Variants in SPATA31G1 observed in about 807,000 individuals in gnomAD.
The protein encoded by SPATA31G1 is spermatogenesis-associated protein 31G1.
At chr9:35,045,452 A>G in the SPATA31G1 span, 5 of 1,614,164 alleles carry the variant, frequency 3.1e-6, no homozygotes, top group Non-Finnish European at 4.2e-6. Flanking sequence ...CCTCATCCTC[A>G]GCCAAAAAGA....
chr9:35,043,370 C>T, the SPATA31G1 span: 1 of 1,614,158 alleles, frequency 6.2e-7, no homozygotes, highest in Non-Finnish European at 8.5e-7. Flanking sequence ...CCCAGTATCA[C>T]TCCTCAGCCC....
the SPATA31G1 span, chr9:35,043,652 AC>A: frequency 1.2e-6 from 2 of 1,613,814 alleles, no homozygotes; most frequent in Non-Finnish European, 1.7e-6. Flanking sequence ...CTCCGATGCC[AC>A]CCCCCTGCCA....
At chr9:35,044,072 G>A in the SPATA31G1 span, 1 of 1,614,060 alleles carries the variant, frequency 6.2e-7, no homozygotes, top group Non-Finnish European at 8.5e-7. Context: ...CTCTCCTGGA[G>A]TCTCTAGTAA....
At chr9:35,043,536 G>A in the SPATA31G1 span, 2 of 1,614,152 alleles carry the variant, frequency 1.2e-6, no homozygotes, top group African/African-American at 1.3e-5. Flanking sequence ...ATCTGGCGCT[G>A]AGGCACCCAC....
chr9:35,042,810 T>G, the SPATA31G1 span: 1 of 1,575,742 alleles, frequency 6.3e-7, no homozygotes, highest in Non-Finnish European at 8.6e-7. Flanking sequence ...TAGCAAACCT[T>G]GTGTATCTGA....
At chr9:35,044,887 C>T in the SPATA31G1 span, 22 of 1,614,080 alleles carry the variant, frequency 1.4e-5, no homozygotes, top group African/African-American at 9.3e-5. Flanking sequence ...AAGGGAGTAA[C>T]GTGCCCAGGG....
At chr9:35,042,852 A>G in the SPATA31G1 span, 10 of 1,607,786 alleles carry the variant, frequency 6.2e-6, no homozygotes, top group African/African-American at 1.3e-5. Flanking sequence ...ATCTTTATCT[A>G]CTTCCCAGGA....
At chr9:35,045,663 G>C in the SPATA31G1 span, 4 of 1,614,072 alleles carry the variant, frequency 2.5e-6, no homozygotes, top group African/African-American at 5.3e-5. Context: ...TCTCCCCAAA[G>C]CTTCGGGTCC....
At chr9:35,043,575 G>T in the SPATA31G1 span, 1 of 1,614,150 alleles carries the variant, frequency 6.2e-7, no homozygotes, top group East Asian at 2.2e-5. Flanking sequence ...CCCCCTGGAA[G>T]TTCTCCCTGG....
the SPATA31G1 span, chr9:35,042,242 A>G: frequency 6.2e-7 from 1 of 1,612,726 alleles, no homozygotes; most frequent in Non-Finnish European, 8.5e-7. Context: ...AAACTGCCAG[A>G]AGGCTAAGGG....
the SPATA31G1 span, chr9:35,041,934 A>G: frequency 4.1e-6 from 1 of 242,384 alleles, no homozygotes; most frequent in Non-Finnish European, 8.1e-6. Context: ...TATAGATAAG[A>G]AAAATGAGGC....
the SPATA31G1 span, chr9:35,045,284 G>A: frequency 6.2e-7 from 1 of 1,614,082 alleles, no homozygotes; most frequent in Non-Finnish European, 8.5e-7. Context: ...AAGGGTCTCA[G>A]AGAGGGGAGA....
the SPATA31G1 span, chr9:35,044,932 C>G: frequency 1.2e-6 from 2 of 1,614,194 alleles, no homozygotes; most frequent in South Asian, 2.2e-5. Flanking sequence ...CAGAGATGGA[C>G]TGTCCCAGAG....
At chr9:35,042,610 C>T in the SPATA31G1 span, 1 of 1,446,300 alleles carries the variant, frequency 6.9e-7, no homozygotes, top group Non-Finnish European at 9.4e-7. Flanking sequence ...TGAGTAACCA[C>T]TGACACTAGA....
the SPATA31G1 span, chr9:35,042,693 G>A: frequency 8.6e-7 from 1 of 1,159,656 alleles, no homozygotes; most frequent in Non-Finnish European, 1.2e-6. Flanking sequence ...TGAGGACTGG[G>A]TAATGACCAT....
At chr9:35,041,660 G>A in the SPATA31G1 span, 1 of 153,368 alleles carries the variant, frequency 6.5e-6, no homozygotes, top group Non-Finnish European at 1.5e-5. Context: ...TAGAGCTCAG[G>A]AGTCGAGACC....
chr9:35,043,082 G>A, the SPATA31G1 span: 5 of 1,614,046 alleles, frequency 3.1e-6, no homozygotes, highest in Non-Finnish European at 1.7e-6. Context: ...AGGCTATAGG[G>A]ATACCAGAGC....
the SPATA31G1 span, chr9:35,041,173 A>T: frequency 4.4e-6 from 2 of 452,098 alleles, no homozygotes; most frequent in South Asian, 3.1e-5. Flanking sequence ...ACACCTTCAA[A>T]TAAGGAAGAG....
chr9:35,044,727 A>G, the SPATA31G1 span: 7 of 1,614,028 alleles, frequency 4.3e-6, no homozygotes, highest in African/African-American at 9.3e-5. Context: ...AGAGCCACAC[A>G]TTGACCTTGA....
Sources: gnomAD v4.1 joint callset for allele counts on GRCh38, gnomAD v4.1.1 for gene constraint, MANE v1.5 for transcripts, NCBI Gene and HGNC (gene_info 2026-07-23, HGNC 2026-07-21) for gene names.